Variants in ANKS1B observed in about 807,000 individuals in gnomAD.
ANKS1B encodes the protein ankyrin repeat and sterile alpha motif domain containing 1B.
In ANKS1B, 36 loss-of-function variants were observed where a neutral mutation model predicts 148.3. The observed-to-expected ratio is 0.24, with a 90% CI of 0.19 to 0.32. The LOEUF (loss-of-function observed/expected upper bound fraction) is 0.32. Ranked by LOEUF, ANKS1B falls within the 10% of genes least tolerant of loss-of-function variation. The pLI is 1.00. For synonymous variants in ANKS1B, 542 were observed against 560.8 expected, an observed-to-expected ratio of 0.97 and a Z score of 0.47; for missense variants, 1,157 against 1,542.6, an observed-to-expected ratio of 0.75 and a Z score of 4.19.
At chr12:99,819,203 G>T (rs138776545) in intron 2 of ANKS1B, among the ~76,000 whole-genome samples, 1 of 151,958 alleles carries the variant, frequency 6.6e-6, no homozygotes, top group East Asian at 1.9e-4. Context: ...ATGGTCAAAA[G>T]ATTTCAGGAC....
At chr12:99,160,379 C>T (rs950096510) in intron 14 of ANKS1B, among the ~76,000 whole-genome samples, 28 of 151,722 alleles carry the variant, frequency 1.8e-4, no homozygotes, top group African/African-American at 6.8e-4. Context: ...TGCTCTGTCA[C>T]CCACGCTGGA....
intron 12 of ANKS1B, among the ~76,000 whole-genome samples, chr12:99,353,356 A>G (rs1252503882): frequency 1.3e-5 from 2 of 152,186 alleles, no homozygotes; most frequent in East Asian, 3.9e-4. Flanking sequence ...ATCCTGGCAT[A>G]TGATAAGCAC....
At chr12:99,826,887 GT>G (rs1416858348) in intron 1 of ANKS1B, among the ~76,000 whole-genome samples, 2 of 152,094 alleles carry the variant, frequency 1.3e-5, no homozygotes, top group Admixed American at 1.3e-4. Context: ...GAGGAGGGAG[GT>G]TCACTTAAGC....
rs570637878 is a variant in ANKS1B at position 98,807,936 on chromosome 12, C to G, written c.3067-18G>C. Reference sequence around the variant, plus strand: ...GACGACTGCTGATATAAACAGAAAACTATCTTATCTTGTCAATATTTAAAA... The same window carrying G: ...GACGACTGCTGATATAAACAGAAAAGTATCTTATCTTGTCAATATTTAAAA... On this transcript the variant is annotated intron_variant, in intron 19 of 26. Transcript: ENST00000683438. The G allele has an allele frequency of 6.3e-7, 1 of 1,598,516 alleles. No homozygotes were observed. Among genetic ancestry groups the G allele is most frequent in the Admixed American group, 1.7e-5 (1 of 59,278 alleles).
rs188298469 is a variant in ANKS1B at position 99,243,967 on chromosome 12, A to G, written c.2419+375T>C. Among the ~76,000 whole-genome samples the G allele has an allele frequency of 2.0e-3, 303 of 152,258 alleles. 1 individual carries two copies. Among genetic ancestry groups the G allele is most frequent in the African/African-American group, 7.1e-3 (293 of 41,538 alleles). On this transcript the variant is annotated intron_variant, in intron 14 of 26. Coordinates refer to ENST00000683438, the MANE Select transcript of ANKS1B (RefSeq NM_001352186.2). ...AAACCAACATGGCACATGTATACCT[A>G]TGTAACAAACCTGCACATTGTGCAC...
At chr12:99,358,356 G>A (rs2092204659) in intron 12 of ANKS1B, among the ~76,000 whole-genome samples, 1 of 151,984 alleles carries the variant, frequency 6.6e-6, no homozygotes, top group African/African-American at 2.4e-5. Context: ...TCTAAATAGT[G>A]ACTATTCTCA....
intron 17 of ANKS1B, among the ~76,000 whole-genome samples, chr12:98,875,976 T>C (rs960410051): frequency 7.9e-5 from 12 of 152,164 alleles, no homozygotes; most frequent in African/African-American, 2.7e-4. Context: ...CAAAATACCA[T>C]AGTTTAGATC....
intron 17 of ANKS1B, among the ~76,000 whole-genome samples, chr12:98,865,258 G>C (rs372094917): frequency 6.6e-6 from 1 of 152,102 alleles, no homozygotes; most frequent in East Asian, 1.9e-4. Context: ...GTTTCAAGCA[G>C]AACTCATCAC....
chr12:98,948,642 G>C (rs138670008), intron 17 of ANKS1B, among the ~76,000 whole-genome samples: 1,948 of 152,066 alleles, frequency 0.013, 16 homozygotes, highest in Middle Eastern at 0.037. Flanking sequence ...TCCTTTTTTT[G>C]AGCCAGATAC....
chr12:98,894,984 T>A, intron 17 of ANKS1B: 1 of 780,196 alleles, frequency 1.3e-6, no homozygotes, highest in Non-Finnish European at 1.5e-6. Flanking sequence ...GCGCCTGCCC[T>A]GGCGGCAGCG....
intron 25 of ANKS1B, among the ~76,000 whole-genome samples, chr12:98,752,823 G>C (rs890142204): frequency 7.2e-5 from 11 of 152,084 alleles, no homozygotes; most frequent in African/African-American, 2.7e-4. Context: ...TGCCTGTGAG[G>C]ATGATCCCAC....
chr12:99,722,803 A>C (rs1312175329), intron 8 of ANKS1B, among the ~76,000 whole-genome samples: 1 of 152,210 alleles, frequency 6.6e-6, no homozygotes, highest in Non-Finnish European at 1.5e-5. Flanking sequence ...TAGCATGTGA[A>C]TCCTGCACTG....
chr12:99,924,681 C>T (rs1165490252), intron 1 of ANKS1B, among the ~76,000 whole-genome samples: 1 of 152,126 alleles, frequency 6.6e-6, no homozygotes, highest in African/African-American at 2.4e-5. Flanking sequence ...CGAAAAATGA[C>T]TTGCATCTTC....
chr12:98,806,141 G>A (rs1566721183), intron 20 of ANKS1B, among the ~76,000 whole-genome samples: 1 of 152,144 alleles, frequency 6.6e-6, no homozygotes, highest in Non-Finnish European at 1.5e-5. Flanking sequence ...CAAAGTGCTG[G>A]GAATTACAGG....
At chr12:99,565,502 G>A (rs2097380750) in intron 9 of ANKS1B, among the ~76,000 whole-genome samples, 2 of 152,160 alleles carry the variant, frequency 1.3e-5, no homozygotes, top group South Asian at 4.1e-4. Context: ...CTGTTTCAAA[G>A]GAGTTCTGAA....
chr12:99,012,334 C>G (rs1036456829), intron 17 of ANKS1B, among the ~76,000 whole-genome samples: 3 of 152,190 alleles, frequency 2.0e-5, no homozygotes, highest in Non-Finnish European at 4.4e-5. Flanking sequence ...TGAGGTCTTC[C>G]TCCTCTGTGC....
At chr12:99,080,161 T>C (rs1410901131) in intron 16 of ANKS1B, among the ~76,000 whole-genome samples, 1 of 152,184 alleles carries the variant, frequency 6.6e-6, no homozygotes, top group African/African-American at 2.4e-5. Context: ...AATAAACCTT[T>C]CTCTCTACAA....
chr12:99,245,816 G>T (rs2090136563), intron 13 of ANKS1B, among the ~76,000 whole-genome samples: 1 of 152,164 alleles, frequency 6.6e-6, no homozygotes, highest in South Asian at 2.1e-4. Flanking sequence ...TTGTATGGTG[G>T]CTGGAGAAGA....
At chr12:99,971,469 T>C (rs1346641125) in intron 1 of ANKS1B, among the ~76,000 whole-genome samples, 2 of 152,110 alleles carry the variant, frequency 1.3e-5, no homozygotes, top group Non-Finnish European at 2.9e-5. Flanking sequence ...TGTAAGTAAA[T>C]AGAGCAGTTT....
Sources: gnomAD v4.1 joint callset for allele counts (sites outside exome capture counted in the v4.1 genomes callset) on GRCh38, gnomAD v4.1.1 for gene constraint, MANE v1.5 for transcripts, NCBI Gene and HGNC (gene_info 2026-07-23, HGNC 2026-07-21) for gene names.